Variants in DFFA observed in about 807,000 individuals in gnomAD.
The protein encoded by DFFA is DNA fragmentation factor subunit alpha.
In DFFA, 14 loss-of-function variants were observed where a neutral mutation model predicts 28.0. The observed-to-expected ratio is 0.50, with a 90% CI of 0.33 to 0.78. The LOEUF (loss-of-function observed/expected upper bound fraction) is 0.78, where lower values mean the gene tolerates loss of function less well. DFFA is among the 30% of genes least tolerant of loss of function. The probability of loss-of-function intolerance (pLI) is 0.02; values close to 1 mark genes in which losing one functional copy is unlikely to be tolerated. For missense variants in DFFA, 395 were observed against 407.1 expected, an observed-to-expected ratio of 0.97 and a Z score of 0.26; for synonymous variants, 158 against 170.3, an observed-to-expected ratio of 0.93 and a Z score of 0.56.
At chr1:10,470,526 G>T (rs886416791) in intron 1 of DFFA, among the ~76,000 whole-genome samples, 2 of 146,882 alleles carry the variant, frequency 1.4e-5, no homozygotes, top group African/African-American at 5.0e-5. Flanking sequence ...CCGGGTTCAC[G>T]CCATTCTCCT....
In DFFA at chr1:10,461,436, T is replaced by C; in HGVS notation, c.*54A>G. ...GGTAGTCAAATGATGAGGCTGAGGG[T>C]GTCTACCAATAACACAACGCCACAG... On this transcript the variant is annotated 3_prime_UTR_variant, in exon 6 of 6. Transcript: ENST00000377038. 2 of 1,562,970 alleles carry C rather than the reference T, an allele frequency of 1.3e-6. No homozygotes were observed. Among genetic ancestry groups the C allele is most frequent in the Non-Finnish European group, 1.7e-6 (2 of 1,151,942 alleles).
chr1:10,461,564 T>A lies in DFFA; in HGVS notation c.922A>T (p.Ser308Cys). ...GGTGAGGCCTTGCTTGCTGAGATGC[T>A]CCGGAGAGAATGCAAGCTCTGCGTC... ...QQTQSLHSLRSISASKASPPG... is the reference protein window; with the variant it reads ...QQTQSLHSLRCISASKASPPG... The change falls in exon 6 of 6, where the codon AGC becomes TGC. Residue 308 changes from serine (S) to cysteine (C), a missense_variant. By Grantham distance (112) the Ser-to-Cys change is moderately radical. Transcript: ENST00000377038. 1 of 1,614,220 alleles carries A rather than the reference T, an allele frequency of 6.2e-7. No homozygotes were observed. Among genetic ancestry groups the A allele is most frequent in the Non-Finnish European group, 8.5e-7 (1 of 1,180,042 alleles).
chr1:10,465,412 C>G (rs1641007070), intron 3 of DFFA, among the ~76,000 whole-genome samples: 2 of 152,112 alleles, frequency 1.3e-5, no homozygotes, highest in South Asian at 4.1e-4. Flanking sequence ...ATTACAGGTG[C>G]TTGCCGCCAC....
chr1:10,469,409 G>GT, intron 1 of DFFA, 71 bp from the exon 2 acceptor site: 1 of 1,410,172 alleles, frequency 7.1e-7, no homozygotes, highest in South Asian at 1.3e-5. Flanking sequence ...TGCATCTCAA[G>GT]TATGTATGGC....
intron 3 of DFFA, among the ~76,000 whole-genome samples, chr1:10,465,915 AC>A (rs1333446366): frequency 1.3e-5 from 2 of 150,688 alleles, no homozygotes; most frequent in African/African-American, 4.9e-5. Context: ...CAATCTGCTC[AC>A]CTTGGCCTCC....
At chr1:10,462,050 G>C (rs768594778) in intron 5 of DFFA, among the ~76,000 whole-genome samples, 2 of 152,166 alleles carry the variant, frequency 1.3e-5, no homozygotes, top group Non-Finnish European at 2.9e-5. Context: ...AGTAGAGACG[G>C]GGTTTCACCG....
rs1432595908 is a variant in DFFA at position 10,458,463 on chromosome 1, A to G, written c.*3027T>C. ...TCTAAGCCCTTCTTGAATCACAGGA[A>G]AAGGAAACAGTTGTTTTTGTTCTAT... On this transcript the variant is annotated 3_prime_UTR_variant, in exon 6 of 6. Transcript: ENST00000377038. 5 of 152,122 alleles carry G rather than the reference A, an allele frequency of 3.3e-5. No individual in the cohort carries two copies. The highest frequency in any genetic ancestry group is 1.2e-4 in the African/African-American group (5 of 41,422). The allele number at this position is 152,122 out of a possible 1,614,324, so 9.4% of individuals were successfully genotyped here.
At position 10,456,698 on chromosome 1, in the gene DFFA, G is replaced by A. The variant is rs995158303; in HGVS notation, c.*4792C>T. ...GCTTTTACCCAGAAATTAAAGGTTG[G>A]TAAGTGGTAATTAGCGTAGCTCCTG... On this transcript the variant is annotated 3_prime_UTR_variant, in exon 6 of 6. Transcript: ENST00000377038. The A allele has an allele frequency of 2.0e-5, 3 of 152,144 alleles. No homozygotes were observed. The highest frequency in any genetic ancestry group is 7.2e-5 in the African/African-American group (3 of 41,418). 9.4% of individuals were successfully genotyped at this position (152,144 alleles called of 1,614,324 possible).
chr1:10,469,373 A>G, intron 1 of DFFA, 35 bp from the exon 2 acceptor site: 4 of 1,602,782 alleles, frequency 2.5e-6, no homozygotes, highest in Non-Finnish European at 3.4e-6. Flanking sequence ...AATGACAAAT[A>G]ACCGTAAGGA....
chr1:10,463,151 C>G lies in DFFA; in HGVS notation c.690G>C (p.Glu230Asp). 6.2e-7 allele frequency: 1 copy of G among 1,614,164 alleles called. No individual in the cohort carries two copies. The highest frequency in any genetic ancestry group is 2.2e-5 in the East Asian group (1 of 44,866). The change falls in exon 5 of 6, where the codon GAG becomes GAC. Residue 230 changes from glutamate (E) to aspartate (D), a missense_variant. By Grantham distance (45) the Glu-to-Asp change is conservative (BLOSUM62 2). Transcript: ENST00000377038. ...TCGCCAGCGCAACGTCCGAGGAGGTCTCTCTGCTGATACCCGTGTCTACTG... is the reference window on the plus strand; with the variant it reads ...TCGCCAGCGCAACGTCCGAGGAGGTGTCTCTGCTGATACCCGTGTCTACTG... ...VDAVDTGISR[E>D]TSSDVALASH...
chr1:10,463,255 C>T (rs748708630), intron 4 of DFFA, 46 bp from the exon 5 acceptor site: 10 of 1,597,730 alleles, frequency 6.3e-6, no homozygotes, highest in Middle Eastern at 1.7e-4. Context: ...TGTGACCACA[C>T]AGCCACATGA....
chr1:10,472,362 C>G lies in DFFA; in HGVS notation c.97G>C (p.Gly33Arg). ...TCTTCGAGGCAGGAGGCGGCCACGC[C>G]GTGCTGTTCGCGGCTGTAGTTGCGG... ...LRRNYSREQH[G>R]VAASCLEDLR... is the part of the protein sequence containing the mutation. The change falls in exon 1 of 6, where the codon GGC becomes CGC. Residue 33 changes from glycine (G) to arginine (R), a missense_variant. Gly to Arg is a moderately radical substitution (Grantham distance 125, BLOSUM62 -2). Transcript: ENST00000377038. The surrounding 1 kb of genome is among the most constrained non-coding windows in gnomAD (Gnocchi z 5.0). 6.2e-7 allele frequency: 1 copy of G among 1,610,302 alleles called. No homozygotes were observed. Among genetic ancestry groups the G allele is most frequent in the Non-Finnish European group, 8.5e-7 (1 of 1,177,918 alleles).
intron 3 of DFFA, among the ~76,000 whole-genome samples, chr1:10,466,251 T>G (rs1429799129): frequency 6.6e-6 from 1 of 152,146 alleles, no homozygotes; most frequent in Admixed American, 6.5e-5. Context: ...TGGTGCGATC[T>G]CGGCTCACTG....
Position 10,472,246 on chromosome 1 carries a change from G to C in DFFA, c.136+77C>G. The stretch of plus-strand genomic sequence containing the variant: ...CAAGAATCCCCAAGTCGCCTCTCCT[G>C]ACCCCGCCTCGCCCCCGCCGGACGT... On this transcript the variant is annotated intron_variant, in intron 1 of 5. Coordinates refer to ENST00000377038, the MANE Select transcript of DFFA (RefSeq NM_004401.3). The surrounding 1 kb of genome is among the most constrained non-coding windows in gnomAD (Gnocchi z 5.0). 11 of 1,455,580 alleles carry C rather than the reference G, an allele frequency of 7.6e-6. No homozygotes were observed. The highest frequency in any genetic ancestry group is 2.3e-5 in the Admixed American group (1 of 43,494). 90.2% of individuals were successfully genotyped at this position (1,455,580 alleles called of 1,614,324 possible). A position where few individuals can be genotyped will look rare whatever the true frequency, so the allele number is the denominator to read the frequency against.
At position 10,467,342 on chromosome 1, in the gene DFFA, G is replaced by A. The variant is rs757982041; in HGVS notation, c.299-10C>T. 23 of 1,613,894 alleles carry A rather than the reference G, an allele frequency of 1.4e-5. No homozygotes were observed. Among genetic ancestry groups the A allele is most frequent in the Non-Finnish European group, 1.9e-5 (22 of 1,180,014 alleles). On this transcript the variant is annotated splice_polypyrimidine_tract_variant and intron_variant, in intron 2 of 5. Transcript: ENST00000377038. ...CAAGCTGTACCTCCATCTGACACAT[G>A]GGAGAAAATGCCAGTCACAGAACAA...
intron 5 of DFFA, 200 bp downstream of exon 5, chr1:10,462,857 AG>A: frequency 7.1e-7 from 1 of 1,408,680 alleles, no homozygotes; most frequent in Non-Finnish European, 9.2e-7. Context: ...GATCTGAGGA[AG>A]TGTATGCATT....
chr1:10,463,608 C>G lies in DFFA; in HGVS notation c.454G>C (p.Ala152Pro). The G allele has an allele frequency of 6.2e-7, 1 of 1,610,256 alleles. No individual in the cohort carries two copies. The highest frequency in any genetic ancestry group is 8.5e-7 in the Non-Finnish European group (1 of 1,178,990). Reference protein sequence around the residue: ...SEEDLQMLVDAPCSDLAQELR... With the variant: ...SEEDLQMLVDPPCSDLAQELR... The stretch of plus-strand genomic sequence containing the variant: ...TCCTGAGCCAGGTCTGAGCAGGGAG[C>G]GTCAACAAGCATCTAACAAACAAAC... Residue 152 changes from alanine (A) to proline (P), a missense_variant, in exon 4 of 6, where the codon GCT (alanine) becomes CCT (proline). Transcript: ENST00000377038.
In DFFA at chr1:10,472,363, G is replaced by A. The variant is rs1226377974; in HGVS notation, c.96C>T (p.His32=). 3.1e-6 allele frequency: 5 copies of A among 1,610,508 alleles called. No homozygotes were observed. The highest frequency in any genetic ancestry group is 2.2e-5 in the East Asian group (1 of 44,560). The change falls in exon 1 of 6, where the codon CAC becomes CAT. Residue 32 remains histidine (H), a synonymous_variant. Coordinates refer to ENST00000377038, the MANE Select transcript of DFFA (RefSeq NM_004401.3). This position sits in a 1 kb window ranked among gnomAD's most constrained non-coding sequence, Gnocchi z 5.0. Reference sequence around the variant, plus strand: ...CTTCGAGGCAGGAGGCGGCCACGCCGTGCTGTTCGCGGCTGTAGTTGCGGC... The same window carrying A: ...CTTCGAGGCAGGAGGCGGCCACGCCATGCTGTTCGCGGCTGTAGTTGCGGC... ...LLRRNYSREQ[H]GVAASCLEDL... is the part of the protein sequence containing the mutation.
chr1:10,463,550 A>G lies in DFFA; in HGVS notation c.512T>C (p.Leu171Pro). The G allele has an allele frequency of 6.2e-7, 1 of 1,614,208 alleles. No homozygotes were observed. ...LRQSCATVQR[L>P]QHTLQQVLDQ... ...AAGCACCTGTTGGAGTGTGTGCTGC[A>G]GCCGCTGGACGGTGGCACAACTCTG... The change falls in exon 4 of 6, where the codon CTG (leucine) becomes CCG (proline). Residue 171 changes from leucine to proline, a missense_variant. Coordinates refer to ENST00000377038, the MANE Select transcript of DFFA (RefSeq NM_004401.3).
Sources: gnomAD v4.1 joint callset for allele counts (sites outside exome capture counted in the v4.1 genomes callset) on GRCh38, gnomAD v4.1.1 for gene constraint, Gnocchi (gnomAD v3.1) non-coding constraint, MANE v1.5 for transcripts, NCBI Gene and HGNC (gene_info 2026-07-23, HGNC 2026-07-21) for gene names.